RERG: variants seen among roughly 807,000 people sequenced by gnomAD.
The protein encoded by RERG is ras-related and estrogen-regulated growth inhibitor.
A neutral mutation model predicts 23.2 loss-of-function variants in RERG; 25 were observed. The observed-to-expected ratio is 1.08, with a 90% CI of 0.79 to 1.50. The LOEUF (loss-of-function observed/expected upper bound fraction) is 1.50, where lower values mean the gene tolerates loss of function less well. Among genes scored for constraint, RERG ranks in the 40% most tolerant of loss-of-function variants. The pLI, the probability that RERG is intolerant of heterozygous loss-of-function variation, is 0.00. For missense variants in RERG, 253 were observed against 250.1 expected, an observed-to-expected ratio of 1.01 and a Z score of -0.08; for synonymous variants, 81 against 89.1, an observed-to-expected ratio of 0.91 and a Z score of 0.51.
At chr12:15,131,376 T>G (rs1864043225) in intron 2 of RERG, among the ~76,000 whole-genome samples, 2 of 152,172 alleles carry the variant, frequency 1.3e-5, no homozygotes, top group Non-Finnish European at 2.9e-5. Flanking sequence ...TGTTTTTAAT[T>G]TAATAACTTA....
At chr12:15,214,629 A>G (rs1318281208) in intron 2 of RERG, among the ~76,000 whole-genome samples, 2 of 152,236 alleles carry the variant, frequency 1.3e-5, no homozygotes, top group African/African-American at 4.8e-5. Context: ...TCAAATAGCC[A>G]TATTCACAAA....
intron 2 of RERG, among the ~76,000 whole-genome samples, chr12:15,168,387 G>A (rs1367719583): frequency 6.6e-6 from 1 of 152,180 alleles, no homozygotes; most frequent in Non-Finnish European, 1.5e-5. Flanking sequence ...CCAGGACCTT[G>A]AGGAAACCCT....
At chr12:15,141,152 C>CT (rs147094991) in intron 2 of RERG, among the ~76,000 whole-genome samples, 28,649 of 138,098 alleles carry the variant, frequency 0.21, 3,246 homozygotes, top group Admixed American at 0.26. Context: ...ATTGATGTGT[C>CT]TTTTTTTTTT....
chr12:15,179,376 C>T (rs1157971876), intron 2 of RERG, among the ~76,000 whole-genome samples: 1 of 152,190 alleles, frequency 6.6e-6, no homozygotes, highest in East Asian at 1.9e-4. Flanking sequence ...GGGCTCTGCA[C>T]TGCTTGTCTC....
At chr12:15,162,645 T>C (rs545722383) in intron 2 of RERG, among the ~76,000 whole-genome samples, 2 of 152,348 alleles carry the variant, frequency 1.3e-5, no homozygotes, top group South Asian at 2.1e-4. Flanking sequence ...TCTACATACA[T>C]GAAGAGCTCT....
At chr12:15,157,301 T>A (rs2136111062) in intron 2 of RERG, among the ~76,000 whole-genome samples, 1 of 152,004 alleles carries the variant, frequency 6.6e-6, no homozygotes. Context: ...AGGTCTGGTA[T>A]CAGCTTTAAA....
intron 2 of RERG, among the ~76,000 whole-genome samples, chr12:15,216,401 G>C (rs938396903): frequency 6.6e-6 from 1 of 152,194 alleles, no homozygotes; most frequent in African/African-American, 2.4e-5. Context: ...ACTTAGAAGA[G>C]GGAAGATTAC....
At chr12:15,175,165 GTT>G (rs796515123) in intron 2 of RERG, among the ~76,000 whole-genome samples, 2 of 140,270 alleles carry the variant, frequency 1.4e-5, no homozygotes. Flanking sequence ...TGTATTTGTT[GTT>G]TTTTTTTTTG....
intron 2 of RERG, among the ~76,000 whole-genome samples, chr12:15,174,601 A>G (rs371551095): frequency 1.3e-5 from 2 of 151,930 alleles, no homozygotes; most frequent in Non-Finnish European, 2.9e-5. Context: ...CCAATTACAC[A>G]TATACATTTG....
Position 15,111,428 on chromosome 12 carries a change from G to A in RERG, c.119-11C>T, listed in dbSNP as rs779599564. 2.5e-6 allele frequency: 4 copies of A among 1,596,598 alleles called. No homozygotes were observed. The highest frequency in any genetic ancestry group is 2.6e-6 in the Non-Finnish European group (3 of 1,172,238). ...GTCGGTAGGTTGATTCTAAGGGAAT[G>A]AGCAAATAAAAAAGACAAAAAGATA... On this transcript the variant is annotated splice_polypyrimidine_tract_variant and intron_variant, in intron 3 of 4. Coordinates refer to ENST00000256953, the MANE Select transcript of RERG (RefSeq NM_032918.3).
chr12:15,211,718 TG>T (rs796222419), intron 2 of RERG, among the ~76,000 whole-genome samples: 36 of 152,306 alleles, frequency 2.4e-4, no homozygotes, highest in African/African-American at 8.4e-4. Context: ...CTTGAGGGGA[TG>T]GACATGCTAA....
At chr12:15,120,042 T>C (rs1863802966) in intron 3 of RERG, among the ~76,000 whole-genome samples, 1 of 152,126 alleles carries the variant, frequency 6.6e-6, no homozygotes, top group Admixed American at 6.6e-5. Flanking sequence ...CAATTCAACA[T>C]ATGAAAAGAT....
At chr12:15,112,027 T>A (rs1166602341) in intron 3 of RERG, among the ~76,000 whole-genome samples, 1 of 152,214 alleles carries the variant, frequency 6.6e-6, no homozygotes, top group Admixed American at 6.5e-5. Flanking sequence ...GCCAGCTCCC[T>A]GGTGCTCTTT....
intron 2 of RERG, among the ~76,000 whole-genome samples, chr12:15,205,253 T>C (rs946555548): frequency 6.6e-6 from 1 of 151,958 alleles, no homozygotes; most frequent in African/African-American, 2.4e-5. Flanking sequence ...CCCACAAATA[T>C]TAGCATTTTA....
intron 2 of RERG, among the ~76,000 whole-genome samples, chr12:15,215,237 C>T (rs1865423867): frequency 6.6e-6 from 1 of 152,184 alleles, no homozygotes; most frequent in South Asian, 2.1e-4. Flanking sequence ...AGAATTTGAT[C>T]TCTCTGTGCA....
chr12:15,217,909 A>G (rs1425257333), intron 1 of RERG: 1 of 173,034 alleles, frequency 5.8e-6, no homozygotes, highest in East Asian at 1.7e-4. Context: ...AACTGAAAGT[A>G]AAAGTGAATA....
At chr12:15,179,993 A>G (rs1864902652) in intron 2 of RERG, among the ~76,000 whole-genome samples, 1 of 152,244 alleles carries the variant, frequency 6.6e-6, no homozygotes, top group South Asian at 2.1e-4. Context: ...AGAAGTTTTC[A>G]GAAGAAAGAC....
intron 2 of RERG, among the ~76,000 whole-genome samples, chr12:15,213,057 T>A (rs985450625): frequency 1.3e-5 from 2 of 152,242 alleles, no homozygotes; most frequent in Non-Finnish European, 2.9e-5. Flanking sequence ...TAAGCCTTCA[T>A]GGATGAGTGC....
chr12:15,192,827 G>T (rs1231247932), intron 2 of RERG, among the ~76,000 whole-genome samples: 1 of 152,080 alleles, frequency 6.6e-6, no homozygotes, highest in East Asian at 1.9e-4. Flanking sequence ...GAGTGTCTTT[G>T]ATTTCAGGTA....
Sources: allele counts gnomAD v4.1 joint callset (sites outside exome capture counted in the v4.1 genomes callset), GRCh38; gene constraint gnomAD v4.1.1; transcripts MANE v1.5; gene names NCBI Gene and HGNC (gene_info 2026-07-23, HGNC 2026-07-21).